The following VPS8 variants were observed in gnomAD, a reference collection of about 807,000 sequenced individuals.
VPS8 encodes VPS8 subunit of CORVET complex.
Under a neutral mutation model 216.4 loss-of-function variants are expected in VPS8, and 129 were observed. The ratio of observed to expected loss-of-function variants is 0.60; its 90% confidence interval spans 0.52 to 0.69. The LOEUF (loss-of-function observed/expected upper bound fraction) is 0.69. Ranked by LOEUF, VPS8 falls within the 30% of genes least tolerant of loss-of-function variation. The probability of loss-of-function intolerance (pLI) is 0.00; values close to 1 mark genes in which losing one functional copy is unlikely to be tolerated. For missense variants in VPS8, 1,531 were observed against 1,683.5 expected (o/e 0.91, Z 1.59); for synonymous variants, 571 against 565.4 (o/e 1.01, Z -0.14).
chr3:185,038,979 C>T (rs1053790114), intron 46 of VPS8, among the ~76,000 whole-genome samples: 3 of 152,212 alleles, frequency 2.0e-5, no homozygotes, highest in Non-Finnish European at 4.4e-5. Flanking sequence ...CTGCGCTCAG[C>T]TAGGACTTAG....
At chr3:184,951,478 G>C (rs1433430824) in intron 36 of VPS8, among the ~76,000 whole-genome samples, 1 of 147,418 alleles carries the variant, frequency 6.8e-6, no homozygotes, top group Non-Finnish European at 1.5e-5. Context: ...GAGTGAGACT[G>C]TCTAAAAAAA....
Position 184,999,852 on chromosome 3 carries a change from C to G in VPS8, c.3993C>G (p.Thr1331=). 1.2e-6 allele frequency: 2 copies of G among 1,609,000 alleles called. No individual in the cohort carries two copies. Among genetic ancestry groups the G allele is most frequent in the Non-Finnish European group, 1.7e-6 (2 of 1,177,996 alleles). Residue 1331 remains threonine, a synonymous_variant, in exon 45 of 48, where the codon ACC becomes ACG. Coordinates refer to ENST00000625842, the MANE Select transcript of VPS8 (RefSeq NM_001009921.3). ...NSSEIKKGRI[T]PSQVKMSPSY... is the part of the protein sequence containing the mutation. ...CTGAAATTAAAAAGGGAAGGATAAC[C>G]CCATCACAGGTAAGACTTGTTTTCG...
At chr3:184,885,942 T>A in intron 21 of VPS8, 168 bp from the exon 22 acceptor site, 1 of 594,164 alleles carries the variant, frequency 1.7e-6, no homozygotes. Context: ...TAGGTCAAAA[T>A]GTTCTGTTTT....
At chr3:184,826,126 C>T (rs1718716414) in intron 2 of VPS8, 37 bp from the exon 3 acceptor site, 1 of 1,460,520 alleles carries the variant, frequency 6.8e-7, no homozygotes, top group African/African-American at 1.4e-5. Context: ...AGCAGAAAGG[C>T]ATCATTTTGT....
At chr3:184,977,129 A>G (rs925386432) in intron 40 of VPS8, among the ~76,000 whole-genome samples, 11 of 152,152 alleles carry the variant, frequency 7.2e-5, no homozygotes, top group Admixed American at 1.3e-4. Flanking sequence ...AATGTCCGCT[A>G]TTTTTTGACT....
chr3:184,916,641 A>G (rs1737646532), intron 28 of VPS8, among the ~76,000 whole-genome samples: 2 of 152,208 alleles, frequency 1.3e-5, no homozygotes, highest in South Asian at 4.1e-4. Context: ...GCATAGAAAG[A>G]AGAGAGGGAG....
At chr3:184,946,429 A>C (rs550399980) in intron 36 of VPS8, among the ~76,000 whole-genome samples, 13 of 152,214 alleles carry the variant, frequency 8.5e-5, no homozygotes, top group Non-Finnish European at 1.9e-4. Flanking sequence ...GACGGAGTAA[A>C]CCATGCTAGA....
At chr3:184,936,120 A>G in intron 34 of VPS8, 126 bp from the exon 35 acceptor site, 1 of 680,572 alleles carries the variant, frequency 1.5e-6, no homozygotes, top group South Asian at 2.5e-5. Flanking sequence ...GCCCTATATC[A>G]AGGTCTGCTG....
intron 40 of VPS8, among the ~76,000 whole-genome samples, chr3:184,975,480 T>C (rs1481504187): frequency 1.3e-5 from 2 of 152,182 alleles, no homozygotes; most frequent in African/African-American, 2.4e-5. Context: ...ATCTATGAGA[T>C]AATGTCATTT....
chr3:184,852,127 A>G (rs929686609), intron 10 of VPS8, among the ~76,000 whole-genome samples: 2 of 152,232 alleles, frequency 1.3e-5, no homozygotes, highest in Non-Finnish European at 2.9e-5. Context: ...TTTATTCTTT[A>G]AAACTGGGCA....
chr3:184,928,837 T>C (rs1490810368), intron 32 of VPS8, among the ~76,000 whole-genome samples: 2 of 152,192 alleles, frequency 1.3e-5, no homozygotes, highest in Non-Finnish European at 2.9e-5. Context: ...TCATAAATTG[T>C]TGATGGTTAT....
chr3:184,883,113 G>A (rs2108850284), intron 21 of VPS8, among the ~76,000 whole-genome samples: 1 of 152,208 alleles, frequency 6.6e-6, no homozygotes, highest in South Asian at 2.1e-4. Flanking sequence ...CCTATATCCT[G>A]TAGATATCTG....
chr3:184,815,951 T>C (rs912101514), intron 1 of VPS8: 1 of 152,070 alleles, frequency 6.6e-6, no homozygotes, highest in African/African-American at 2.4e-5. Context: ...TTTACCTAAG[T>C]GGAATCCTGT....
chr3:184,992,818 T>C (rs148921468), intron 42 of VPS8, among the ~76,000 whole-genome samples: 1 of 152,160 alleles, frequency 6.6e-6, no homozygotes, highest in Non-Finnish European at 1.5e-5. Flanking sequence ...CACATACATA[T>C]GCTGATGGGG....
chr3:184,888,004 T>G (rs1003025323), intron 22 of VPS8, among the ~76,000 whole-genome samples: 1 of 151,548 alleles, frequency 6.6e-6, no homozygotes, highest in African/African-American at 2.4e-5. Flanking sequence ...TTTTTTTTTT[T>G]GGAGACAGAA....
Position 184,982,642 on chromosome 3 carries a change from C to T in VPS8, c.3497C>T (p.Ser1166Phe). ...AGTTCAGCCATTCCTCATCTACACT[C>T]TGAAGGTAAGTTCTTCAGAATTCAA... Reference protein sequence around the residue: ...LSSSAIPHLHSEALKSLTMQV... With the variant: ...LSSSAIPHLHFEALKSLTMQV... The change falls in exon 41 of 48, where the codon TCT becomes TTT. Residue 1166 changes from serine (S) to phenylalanine (F), a missense_variant. Ser to Phe is a radical substitution (Grantham distance 155). This residue lies in a region of VPS8 where 1,318 missense variants were observed against 1,468.4 expected (regional missense o/e 0.90). Transcript: ENST00000625842. 1 of 1,611,022 alleles carries T rather than the reference C, an allele frequency of 6.2e-7. No individual in the cohort carries two copies. The highest frequency in any genetic ancestry group is 8.5e-7 in the Non-Finnish European group (1 of 1,178,934).
At chr3:184,863,439 C>CCCT (rs1726748609) in intron 16 of VPS8, among the ~76,000 whole-genome samples, 1 of 152,050 alleles carries the variant, frequency 6.6e-6, no homozygotes, top group Non-Finnish European at 1.5e-5. Context: ...GGATAAATAA[C>CCCT]TACAGACAGG....
At chr3:185,051,339 A>G (rs1259158192) in intron 47 of VPS8, among the ~76,000 whole-genome samples, 1 of 151,968 alleles carries the variant, frequency 6.6e-6, no homozygotes, top group Non-Finnish European at 1.5e-5. Context: ...CAGGGGTTCC[A>G]CTCTGGAACC....
At chr3:184,888,920 A>C (rs1731808061) in intron 22 of VPS8, among the ~76,000 whole-genome samples, 1 of 152,232 alleles carries the variant, frequency 6.6e-6, no homozygotes, top group African/African-American at 2.4e-5. Context: ...CATTATCTTG[A>C]ATACTAGAAT....
Sources: allele counts gnomAD v4.1 joint callset (sites outside exome capture counted in the v4.1 genomes callset), GRCh38; gene constraint gnomAD v4.1.1; regional missense constraint gnomAD v4.1.1; transcripts MANE v1.5; gene names NCBI Gene and HGNC (gene_info 2026-07-23, HGNC 2026-07-21).